SKA1: variants seen among roughly 807,000 people sequenced by gnomAD.
SKA1 encodes SKA complex subunit 1.
A neutral mutation model predicts 31.8 loss-of-function variants in SKA1; 20 were observed. The observed-to-expected ratio is 0.63, with a 90% CI of 0.44 to 0.91. SKA1 has a LOEUF of 0.91. Among genes scored for constraint, SKA1 ranks in the 40% least tolerant of loss-of-function variants. SKA1 has a pLI of 0.00. For missense variants in SKA1, 253 were observed against 298.2 expected (o/e 0.85, Z 1.12); for synonymous variants, 88 against 100.5 (o/e 0.88, Z 0.74).
intron 5 of SKA1, among the ~76,000 whole-genome samples, chr18:50,385,844 A>G (rs1377759022): frequency 6.6e-6 from 1 of 152,234 alleles, no homozygotes; most frequent in Non-Finnish European, 1.5e-5. Context: ...CCTTTTACAT[A>G]TGGCAATAAT....
At chr18:50,377,123 C>T (rs1477913425) in intron 2 of SKA1, among the ~76,000 whole-genome samples, 1 of 151,816 alleles carries the variant, frequency 6.6e-6, no homozygotes, top group East Asian at 1.9e-4. Flanking sequence ...AAACTAGTAA[C>T]CATTTATTAT....
chr18:50,385,725 A>G (rs1037511924), intron 5 of SKA1, among the ~76,000 whole-genome samples: 1 of 151,982 alleles, frequency 6.6e-6, no homozygotes, highest in Non-Finnish European at 1.5e-5. Flanking sequence ...TGTGCATTGC[A>G]CCCCGCACTT....
chr18:50,389,204 C>T (rs578188403), intron 5 of SKA1, among the ~76,000 whole-genome samples: 2 of 152,082 alleles, frequency 1.3e-5, no homozygotes, highest in South Asian at 4.2e-4. Flanking sequence ...TGAGAAAGCC[C>T]AACCTAATCT....
chr18:50,380,096 T>C, intron 2 of SKA1, 30 bp from the exon 3 acceptor site: 1 of 1,472,702 alleles, frequency 6.8e-7, no homozygotes, highest in Non-Finnish European at 9.0e-7. Context: ...CTATACACTT[T>C]GTTTTCTATT....
rs750886671 is a variant in SKA1 at position 50,375,781 on chromosome 18, C to CT, written c.-11-35dup. On this transcript the variant is annotated intron_variant, in intron 1 of 6. Coordinates refer to ENST00000285116, the MANE Select transcript of SKA1 (RefSeq NM_145060.4). ...CGAAAGTGAACAGAAATTTGTGTGG[C>CT]TTTTCTTGTTACGAATATGTTTATG... is the stretch of plus-strand genomic sequence containing the variant. The CT allele has an allele frequency of 1.1e-5, 15 of 1,313,862 alleles. No homozygotes were observed. In the Admixed American group the frequency reaches 2.2e-4, roughly 19 times the overall value. The allele number at this position is 1,313,862 out of a possible 1,614,324, so 81.4% of individuals were successfully genotyped here.
In SKA1 at chr18:50,393,620, T is replaced by C. The variant is rs1205157489; in HGVS notation, c.*1373T>C. The C allele has an allele frequency of 6.6e-6, 1 of 152,202 alleles. No homozygotes were observed. Among genetic ancestry groups the C allele is most frequent in the African/African-American group, 2.4e-5 (1 of 41,434 alleles). The allele number at this position is 152,202 out of a possible 1,614,324, so 9.4% of individuals were successfully genotyped here. A position where few individuals can be genotyped will look rare whatever the true frequency, so the allele number is the denominator to read the frequency against. ...ACATTGAGTTGATGTGATAATGTGA[T>C]ATAATAAGAAATATATATTTGATCT... is the stretch of plus-strand genomic sequence containing the variant. On this transcript the variant is annotated 3_prime_UTR_variant, in exon 7 of 7. Transcript: ENST00000285116.
intron 3 of SKA1, 107 bp from the exon 4 acceptor site, chr18:50,382,022 G>A: frequency 1.4e-6 from 1 of 718,850 alleles, no homozygotes; most frequent in South Asian, 1.9e-5. Flanking sequence ...ACCGCGTCCA[G>A]CCACAGTCAC....
intron 5 of SKA1, among the ~76,000 whole-genome samples, chr18:50,389,286 CACA>C (rs763017473): frequency 6.6e-6 from 1 of 151,382 alleles, no homozygotes; most frequent in Non-Finnish European, 1.5e-5. Context: ...CTGGCTCTTT[CACA>C]ACTCCAAGAC....
intron 4 of SKA1, among the ~76,000 whole-genome samples, chr18:50,382,460 CTT>C (rs947704219): frequency 1.6e-4 from 24 of 152,176 alleles, no homozygotes; most frequent in Non-Finnish European, 1.5e-4. Flanking sequence ...TCTAGCCTCT[CTT>C]TTTTCACTCA....
chr18:50,377,135 AATT>A (rs1202618979), intron 2 of SKA1, among the ~76,000 whole-genome samples: 2 of 152,216 alleles, frequency 1.3e-5, no homozygotes, highest in East Asian at 1.9e-4. Flanking sequence ...ATTTATTATC[AATT>A]ATTATGTACT....
At chr18:50,390,597 A>G (rs59924203) in intron 5 of SKA1, among the ~76,000 whole-genome samples, 9,105 of 152,112 alleles carry the variant, frequency 0.06, 745 homozygotes, top group African/African-American at 0.18. Flanking sequence ...ACTCACTCCT[A>G]TATATCCCCT....
intron 5 of SKA1, among the ~76,000 whole-genome samples, chr18:50,389,135 T>G (rs1303220548): frequency 6.6e-6 from 1 of 151,972 alleles, no homozygotes; most frequent in East Asian, 1.9e-4. Flanking sequence ...AGTGACAGTT[T>G]CCAAGCTCTT....
At chr18:50,383,279 T>A (rs2041277122) in intron 4 of SKA1, among the ~76,000 whole-genome samples, 1 of 152,180 alleles carries the variant, frequency 6.6e-6, no homozygotes, top group Admixed American at 6.5e-5. Context: ...GCATACCACC[T>A]TTTTGTTTTT....
chr18:50,383,062 G>A (rs531376485), intron 4 of SKA1, among the ~76,000 whole-genome samples: 1 of 152,094 alleles, frequency 6.6e-6, no homozygotes, highest in Admixed American at 6.5e-5. Context: ...AAAGCCAAAG[G>A]AACAATAAGC....
chr18:50,385,193 G>A (rs567621584), intron 4 of SKA1, 23 bp from the exon 5 acceptor site: 42 of 1,568,298 alleles, frequency 2.7e-5, no homozygotes, highest in Non-Finnish European at 2.6e-5. Context: ...TTGCCTGTAT[G>A]TATGTACATC....
In SKA1 at chr18:50,380,023, C is replaced by A. The variant is rs2149319591; in HGVS notation, c.89-103C>A. 3.1e-6 allele frequency: 3 copies of A among 963,612 alleles called. No individual in the cohort carries two copies. The East Asian group carries it at 9.1e-5, about 29-fold the overall frequency. The allele number at this position is 963,612 out of a possible 1,614,324, so 59.7% of individuals were successfully genotyped here. A position where few individuals can be genotyped will look rare whatever the true frequency, so the allele number is the denominator to read the frequency against. ...GCTAAAGCAGTAGACCTTTTTCCAC[C>A]CCTCTCTAAGGTACAGCTATCTATT... On this transcript the variant is annotated intron_variant, in intron 2 of 6. Coordinates refer to ENST00000285116, the MANE Select transcript of SKA1 (RefSeq NM_145060.4).
At chr18:50,380,396 C>G in intron 3 of SKA1, 146 bp downstream of exon 3, 1 of 935,698 alleles carries the variant, frequency 1.1e-6, no homozygotes, top group Non-Finnish European at 1.5e-6. Flanking sequence ...GTTTTATTTT[C>G]CTAGTATAGT....
intron 4 of SKA1, among the ~76,000 whole-genome samples, chr18:50,383,940 T>A (rs933904088): frequency 1.3e-5 from 2 of 152,148 alleles, no homozygotes; most frequent in African/African-American, 2.4e-5. Context: ...CGTGGCCGAG[T>A]CACACCACCT....
At chr18:50,385,097 G>T in intron 4 of SKA1, 119 bp from the exon 5 acceptor site, 1 of 759,846 alleles carries the variant, frequency 1.3e-6, no homozygotes, top group Non-Finnish European at 2.0e-6. Flanking sequence ...AAAAAATGTT[G>T]GCAATAAGAT....
Sources: gnomAD v4.1 joint callset for allele counts (sites outside exome capture counted in the v4.1 genomes callset) on GRCh38, gnomAD v4.1.1 for gene constraint, MANE v1.5 for transcripts, NCBI Gene and HGNC (gene_info 2026-07-23, HGNC 2026-07-21) for gene names.